TNIK: variants seen among roughly 807,000 people sequenced by gnomAD.
The protein encoded by TNIK is TRAF2 and NCK-interacting protein kinase.
TNIK carries 49 observed loss-of-function variants against 191.3 expected under a neutral mutation model. The observed-to-expected ratio is 0.26, with a 90% CI of 0.20 to 0.32. The LOEUF (loss-of-function observed/expected upper bound fraction) is 0.32, where lower values mean the gene tolerates loss of function less well. Among genes scored for constraint, TNIK ranks in the 10% least tolerant of loss-of-function variants. The probability of loss-of-function intolerance (pLI) is 1.00; values close to 1 mark genes in which losing one functional copy is unlikely to be tolerated. For missense variants in TNIK, 1,155 were observed against 1,702.3 expected, an observed-to-expected ratio of 0.68 and a Z score of 5.66; for synonymous variants, 594 against 600.9, an observed-to-expected ratio of 0.99 and a Z score of 0.17.
chr3:171,434,444 C>T (rs1725764581), intron 1 of TNIK, among the ~76,000 whole-genome samples: 9 of 149,240 alleles, frequency 6.0e-5, no homozygotes, highest in African/African-American at 5.0e-5. Context: ...CTCTTTTTTA[C>T]TTATTTATTT....
intron 2 of TNIK, among the ~76,000 whole-genome samples, chr3:171,277,508 A>C (rs917692658): frequency 3.3e-5 from 5 of 152,220 alleles, no homozygotes; most frequent in African/African-American, 1.2e-4. Context: ...ATTAAAAAAA[A>C]AACAAATTTC....
chr3:171,266,676 G>T (rs1055150342), intron 2 of TNIK, among the ~76,000 whole-genome samples: 1 of 152,192 alleles, frequency 6.6e-6, no homozygotes, highest in African/African-American at 2.4e-5. Flanking sequence ...GCCTTTGCAG[G>T]AATAGAGTAC....
intron 2 of TNIK, among the ~76,000 whole-genome samples, chr3:171,294,255 T>C (rs1387625842): frequency 1.3e-5 from 2 of 148,156 alleles, no homozygotes; most frequent in East Asian, 4.0e-4. Flanking sequence ...CAACAACAAA[T>C]AAAACAAAAC....
At chr3:171,241,873 T>C (rs1280926670) in intron 2 of TNIK, among the ~76,000 whole-genome samples, 1 of 152,130 alleles carries the variant, frequency 6.6e-6, no homozygotes, top group Non-Finnish European at 1.5e-5. Context: ...TGTAGGGACA[T>C]GGATGAAGCT....
intron 20 of TNIK, among the ~76,000 whole-genome samples, chr3:171,107,740 C>T (rs973152278): frequency 6.6e-6 from 1 of 152,114 alleles, no homozygotes; most frequent in Non-Finnish European, 1.5e-5. Context: ...ATAGAAAGTA[C>T]CCAAGTCTCT....
intron 17 of TNIK, among the ~76,000 whole-genome samples, chr3:171,125,621 G>T (rs1447354431): frequency 6.6e-6 from 1 of 152,144 alleles, no homozygotes; most frequent in Non-Finnish European, 1.5e-5. Flanking sequence ...TGTTAATATG[G>T]ATAGCAAAAT....
At chr3:171,273,795 G>A (rs2109206710) in intron 2 of TNIK, among the ~76,000 whole-genome samples, 1 of 152,354 alleles carries the variant, frequency 6.6e-6, no homozygotes, top group African/African-American at 2.4e-5. Context: ...GGTAAGAGAT[G>A]TCATGACAAC....
At chr3:171,219,066 A>AAC (rs1741886798) in intron 3 of TNIK, among the ~76,000 whole-genome samples, 1 of 47,868 alleles carries the variant, frequency 2.1e-5, no homozygotes, top group African/African-American at 1.5e-4. Context: ...TAATATATTA[A>AAC]ATATATAAAT....
At position 171,145,779 on chromosome 3, in the gene TNIK, CTT is replaced by C. The variant is rs397875512; in HGVS notation, c.1222-5272_1222-5271del. On this transcript the variant is annotated intron_variant, in intron 12 of 32. Transcript: ENST00000436636. ...ACAAGGGCTGTGGAGTCAGTCTTTC[CTT>C]TTTTTTTTTTTTTTTGTTTAAATGC... 4.1e-3 allele frequency among the ~76,000 whole-genome samples: 553 copies of C among 133,342 alleles called. 2 individuals carry two copies. The highest frequency in any genetic ancestry group is 0.033 in the East Asian group (153 of 4,658). 87.5% of individuals were successfully genotyped at this position (133,342 alleles called of 152,430 possible).
chr3:171,232,965 G>A (rs1043070318), intron 2 of TNIK, among the ~76,000 whole-genome samples: 1 of 152,200 alleles, frequency 6.6e-6, no homozygotes, highest in African/African-American at 2.4e-5. Flanking sequence ...TATTTTCTAA[G>A]GAAGAGCAAG....
At chr3:171,223,247 C>T (rs1742577376) in intron 3 of TNIK, among the ~76,000 whole-genome samples, 1 of 152,126 alleles carries the variant, frequency 6.6e-6, no homozygotes, top group African/African-American at 2.4e-5. Flanking sequence ...CCTGGGCTTC[C>T]TCAGTGAGGA....
chr3:171,101,478 T>C lies in TNIK; in HGVS notation c.2562A>G (p.Thr854=), dbSNP rs757589424. 10 of 1,612,924 alleles carry C rather than the reference T, an allele frequency of 6.2e-6. No individual in the cohort carries two copies. Among genetic ancestry groups the C allele is most frequent in the Non-Finnish European group, 8.5e-6 (10 of 1,179,396 alleles). ...GTCTGGGTATGTCGCTGACAGCCAC[T>C]GTCCCATCATGGGTCTCGCTCTCTC... ...EDGESETHDG[T]VAVSDIPRLI... The change falls in exon 22 of 33, where the codon ACA becomes ACG. Residue 854 remains threonine (T), a synonymous_variant. Coordinates refer to ENST00000436636, the MANE Select transcript of TNIK (RefSeq NM_015028.4).
intron 2 of TNIK, among the ~76,000 whole-genome samples, chr3:171,230,494 C>T (rs1426721454): frequency 6.6e-6 from 1 of 152,104 alleles, no homozygotes. Context: ...GCTTGCAGGG[C>T]CCTCCAAGAG....
intron 26 of TNIK, 56 bp from the exon 27 acceptor site, chr3:171,082,450 A>G (rs916723826): frequency 7.6e-6 from 12 of 1,572,648 alleles, no homozygotes; most frequent in African/African-American, 2.7e-5. Flanking sequence ...AATCTTCTGC[A>G]TCGAGAGTCC....
Position 171,128,754 on chromosome 3 carries a change from G to A in TNIK, c.1733C>T (p.Pro578Leu). The change falls in exon 16 of 33, where the codon CCT becomes CTT. Residue 578 changes from proline to leucine, a missense_variant. Physicochemically the swap from Pro to Leu is moderately conservative, Grantham distance 98. Coordinates refer to ENST00000436636, the MANE Select transcript of TNIK (RefSeq NM_015028.4). Reference protein sequence around the residue: ...SESFSISGVQPARTPPMLRPV... With the variant: ...SESFSISGVQLARTPPMLRPV... ...TCTGAGCATGGGGGGTGTTCGAGCA[G>A]GCTGAACTCCACTAATGCTGAAGGA... The A allele has an allele frequency of 6.2e-7, 1 of 1,613,426 alleles. No homozygotes were observed. Among genetic ancestry groups the A allele is most frequent in the Non-Finnish European group, 8.5e-7 (1 of 1,179,778 alleles).
chr3:171,378,201 C>A (rs1013520446), intron 1 of TNIK, among the ~76,000 whole-genome samples: 3 of 152,166 alleles, frequency 2.0e-5, no homozygotes, highest in Non-Finnish European at 4.4e-5. Flanking sequence ...TCCTACTTTG[C>A]CATTAGCTAG....
intron 1 of TNIK, among the ~76,000 whole-genome samples, chr3:171,419,597 G>T (rs1723505451): frequency 6.6e-6 from 1 of 152,148 alleles, no homozygotes; most frequent in African/African-American, 2.4e-5. Context: ...AGGAAGTCCT[G>T]GGCTCAGATC....
intron 3 of TNIK, among the ~76,000 whole-genome samples, chr3:171,221,990 C>A (rs747383013): frequency 5.9e-5 from 9 of 152,060 alleles, no homozygotes; most frequent in Non-Finnish European, 1.2e-4. Context: ...TGGCACTAAC[C>A]ATTAAAATCA....
intron 12 of TNIK, among the ~76,000 whole-genome samples, chr3:171,151,185 A>T (rs1732388615): frequency 6.6e-6 from 1 of 152,236 alleles, no homozygotes; most frequent in Non-Finnish European, 1.5e-5. Flanking sequence ...CACAGCTAAG[A>T]TTAAACCTTG....
Sources: allele counts gnomAD v4.1 joint callset (sites outside exome capture counted in the v4.1 genomes callset), GRCh38; gene constraint gnomAD v4.1.1; transcripts MANE v1.5; gene names NCBI Gene and HGNC (gene_info 2026-07-23, HGNC 2026-07-21).